Variants in EFNA5 observed in about 807,000 individuals in gnomAD.
EFNA5 encodes the protein ephrin A5, also known as ephrin-A5.
A neutral mutation model predicts 22.9 loss-of-function variants in EFNA5; 5 were observed. That is an observed-to-expected ratio of 0.22 (90% CI 0.11 to 0.46). EFNA5 has a LOEUF of 0.46. EFNA5 is among the 20% of genes least tolerant of loss of function. The pLI is 0.99. For synonymous variants in EFNA5, 113 were observed against 112.2 expected (o/e 1.01, Z -0.04); for missense variants, 237 against 293.3 (o/e 0.81, Z 1.40).
intron 1 of EFNA5, among the ~76,000 whole-genome samples, chr5:107,508,683 A>C (rs1747300397): frequency 6.6e-6 from 1 of 152,228 alleles, no homozygotes; most frequent in Non-Finnish European, 1.5e-5. Flanking sequence ...ACTAAGTGTA[A>C]GTCAAGCTTG....
chr5:107,421,227 G>C (rs1011640038), intron 2 of EFNA5, among the ~76,000 whole-genome samples: 1 of 152,140 alleles, frequency 6.6e-6, no homozygotes, highest in African/African-American at 2.4e-5. Context: ...CTGAGAATTA[G>C]CAGTTAACCA....
intron 1 of EFNA5, among the ~76,000 whole-genome samples, chr5:107,625,114 C>T (rs1383705554): frequency 6.6e-6 from 1 of 152,092 alleles, no homozygotes; most frequent in African/African-American, 2.4e-5. Flanking sequence ...AAAATAACTT[C>T]CAAACTTACG....
In EFNA5 at chr5:107,459,338, G is replaced by A. The variant is rs551289339; in HGVS notation, c.126-31829C>T. On this transcript the variant is annotated intron_variant, in intron 1 of 4. Transcript: ENST00000333274. ...ACCACACTCCAGCCTGGGTGACAGA[G>A]CAAGACTCCATCTCAAAAAAAATCA... is the stretch of plus-strand genomic sequence containing the variant. Among the ~76,000 whole-genome samples, 488 of 144,410 alleles carry A rather than the reference G, an allele frequency of 3.4e-3. 4 individuals are homozygous for A. The highest frequency in any genetic ancestry group is 6.0e-3 in the Admixed American group (84 of 14,000). 94.7% of individuals were successfully genotyped at this position (144,410 alleles called of 152,430 possible). A position where few individuals can be genotyped will look rare whatever the true frequency, so the allele number is the denominator to read the frequency against.
intron 1 of EFNA5, among the ~76,000 whole-genome samples, chr5:107,496,255 G>C (rs1746979122): frequency 7.2e-6 from 1 of 138,832 alleles, no homozygotes; most frequent in African/African-American, 2.7e-5. Context: ...AGAATCATTT[G>C]AACCTGGGAG....
chr5:107,507,932 G>A (rs1231826086), intron 1 of EFNA5, among the ~76,000 whole-genome samples: 2 of 152,148 alleles, frequency 1.3e-5, no homozygotes, highest in Admixed American at 1.3e-4. Flanking sequence ...ACCAGCTGTG[G>A]GCTGGTGCAT....
chr5:107,379,255 C>A lies in EFNA5; in HGVS notation c.*2000G>T, dbSNP rs904512620. 6.6e-6 allele frequency: 1 copy of A among 151,970 alleles called. No individual in the cohort carries two copies. The highest frequency in any genetic ancestry group is 2.4e-5 in the African/African-American group (1 of 41,384). 9.4% of individuals were successfully genotyped at this position (151,970 alleles called of 1,614,324 possible). On this transcript the variant is annotated 3_prime_UTR_variant, in exon 5 of 5. Coordinates refer to ENST00000333274, the MANE Select transcript of EFNA5 (RefSeq NM_001962.3). Reference sequence around the variant, plus strand: ...TCCACTCCAAATGGATCAGGTAAGCCCAGATTACATTTCAACATGTGTACA... The same window carrying A: ...TCCACTCCAAATGGATCAGGTAAGCACAGATTACATTTCAACATGTGTACA...
chr5:107,494,282 G>A (rs1469447328), intron 1 of EFNA5, among the ~76,000 whole-genome samples: 1 of 152,164 alleles, frequency 6.6e-6, no homozygotes, highest in African/African-American at 2.4e-5. Flanking sequence ...TGCGGGCGGC[G>A]CTTGAGGGCC....
intron 1 of EFNA5, among the ~76,000 whole-genome samples, chr5:107,535,919 T>C (rs1482804835): frequency 6.6e-6 from 1 of 152,200 alleles, no homozygotes; most frequent in East Asian, 1.9e-4. Flanking sequence ...TAGTCTACAC[T>C]TGTCTATCTG....
At chr5:107,478,204 A>G (rs1449672971) in intron 1 of EFNA5, among the ~76,000 whole-genome samples, 1 of 152,212 alleles carries the variant, frequency 6.6e-6, no homozygotes, top group African/African-American at 2.4e-5. Context: ...ATTAATATGC[A>G]TATCAGGCAC....
chr5:107,665,450 A>G (rs1751046212), intron 1 of EFNA5, among the ~76,000 whole-genome samples: 1 of 152,258 alleles, frequency 6.6e-6, no homozygotes, highest in Non-Finnish European at 1.5e-5. Flanking sequence ...AGCTACTGTC[A>G]GCCACAACAC....
At chr5:107,632,850 C>T (rs989736230) in intron 1 of EFNA5, among the ~76,000 whole-genome samples, 1 of 152,174 alleles carries the variant, frequency 6.6e-6, no homozygotes, top group East Asian at 1.9e-4. Flanking sequence ...TCCTAATCTA[C>T]TAATGCACCC....
chr5:107,379,537 C>G lies in EFNA5; in HGVS notation c.*1718G>C, dbSNP rs904852342. 4.4e-5 allele frequency: 5 copies of G among 114,068 alleles called. No homozygotes were observed. The highest frequency in any genetic ancestry group is 8.4e-5 in the Non-Finnish European group (5 of 59,756). 7.1% of individuals were successfully genotyped at this position (114,068 alleles called of 1,614,324 possible). On this transcript the variant is annotated 3_prime_UTR_variant, in exon 5 of 5. Transcript: ENST00000333274. ...AAAGGCATGGTTTCTGTTGACATGT[C>G]GTGCAAAGCCAAAAAAAAAAAAAAA... is the stretch of plus-strand genomic sequence containing the variant.
At position 107,591,892 on chromosome 5, in the gene EFNA5, T is replaced by A. The variant is rs189817; in HGVS notation, c.125+78597A>T. Among the ~76,000 whole-genome samples, 53 of 13,402 alleles carry A rather than the reference T, an allele frequency of 4.0e-3. 4 individuals carry two copies. The highest frequency in any genetic ancestry group is 5.0e-3 in the Non-Finnish European group (41 of 8,202). The allele number at this position is 13,402 out of a possible 152,430, so 8.8% of individuals were successfully genotyped here. ...TATATATAATATATAATATATATATTATATATAATATATAATATAAAAAAT... is the reference window on the plus strand; with the variant it reads ...TATATATAATATATAATATATATATAATATATAATATATAATATAAAAAAT... On this transcript the variant is annotated intron_variant, in intron 1 of 4. Coordinates refer to ENST00000333274, the MANE Select transcript of EFNA5 (RefSeq NM_001962.3).
At chr5:107,606,723 C>T (rs568022119) in intron 1 of EFNA5, among the ~76,000 whole-genome samples, 6 of 152,268 alleles carry the variant, frequency 3.9e-5, no homozygotes, top group South Asian at 2.1e-4. Context: ...CATAGGGCTA[C>T]AAAATATCAC....
At chr5:107,446,122 A>G (rs1398377242) in intron 1 of EFNA5, among the ~76,000 whole-genome samples, 1 of 152,206 alleles carries the variant, frequency 6.6e-6, no homozygotes, top group East Asian at 1.9e-4. Context: ...TAACATCAGA[A>G]CATAACACCT....
intron 1 of EFNA5, 71 bp downstream of exon 1, chr5:107,670,418 C>G: frequency 1.4e-6 from 2 of 1,479,646 alleles, no homozygotes; most frequent in Non-Finnish European, 1.8e-6. Context: ...GCGCGCCGAT[C>G]CCCGCCGCCG....
intron 1 of EFNA5, among the ~76,000 whole-genome samples, chr5:107,522,379 TCTCA>T (rs1044425579): frequency 2.0e-5 from 3 of 152,102 alleles, no homozygotes; most frequent in African/African-American, 7.2e-5. Flanking sequence ...CCTGGCTCTT[TCTCA>T]CTCTCTTTCT....
chr5:107,468,217 T>C (rs151957), intron 1 of EFNA5, among the ~76,000 whole-genome samples: 38,088 of 152,078 alleles, frequency 0.25, 6,074 homozygotes, highest in East Asian at 0.51. Context: ...GAAGGAAAGT[T>C]TATCACCCAA....
At chr5:107,564,792 G>A (rs1000339721) in intron 1 of EFNA5, among the ~76,000 whole-genome samples, 9 of 152,076 alleles carry the variant, frequency 5.9e-5, no homozygotes, top group Non-Finnish European at 7.4e-5. Context: ...GGTAATAAAT[G>A]TCAAACATTA....
Sources: allele counts gnomAD v4.1 joint callset (sites outside exome capture counted in the v4.1 genomes callset), GRCh38; gene constraint gnomAD v4.1.1; transcripts MANE v1.5; gene names NCBI Gene and HGNC (gene_info 2026-07-23, HGNC 2026-07-21).